CRACR2A: variants seen among roughly 807,000 people sequenced by gnomAD.
CRACR2A encodes the protein calcium release activated channel regulator 2A.
In CRACR2A, 79 loss-of-function variants were observed where a neutral mutation model predicts 90.5. The ratio of observed to expected loss-of-function variants is 0.87; its 90% CI spans 0.73 to 1.05. CRACR2A has a LOEUF of 1.05. Among genes scored for constraint, CRACR2A ranks in the 50% least tolerant of loss-of-function variants. The probability of loss-of-function intolerance (pLI) is 0.00; values close to 1 mark genes in which losing one functional copy is unlikely to be tolerated. For missense variants in CRACR2A, 823 were observed against 897.2 expected (o/e 0.92, Z 1.06); for synonymous variants, 338 against 356.7 (o/e 0.95, Z 0.59).
intron 6 of CRACR2A, among the ~76,000 whole-genome samples, chr12:3,676,194 T>C (rs1416900802): frequency 6.6e-6 from 1 of 152,174 alleles, no homozygotes; most frequent in Non-Finnish European, 1.5e-5. Context: ...GTACTGGATG[T>C]CATGGGTGAA....
At chr12:3,712,953 A>G (rs1171682869) in intron 3 of CRACR2A, among the ~76,000 whole-genome samples, 1 of 151,968 alleles carries the variant, frequency 6.6e-6, no homozygotes, top group Non-Finnish European at 1.5e-5. Context: ...CACATGTAAA[A>G]GAGCTGGGCA....
At chr12:3,676,722 T>C (rs1212488005) in intron 6 of CRACR2A, among the ~76,000 whole-genome samples, 1 of 146,124 alleles carries the variant, frequency 6.8e-6, no homozygotes, top group Non-Finnish European at 1.5e-5. Context: ...ATTTTGGTTA[T>C]TTATATAAAG....
At chr12:3,666,374 C>T (rs111333517) in intron 7 of CRACR2A, among the ~76,000 whole-genome samples, 35 of 137,152 alleles carry the variant, frequency 2.6e-4, no homozygotes, top group African/African-American at 9.5e-4. Context: ...TGCGCGTGCG[C>T]GCGCACGCGC....
chr12:3,671,520 C>T (rs1195541297), intron 7 of CRACR2A, among the ~76,000 whole-genome samples: 1 of 152,160 alleles, frequency 6.6e-6, no homozygotes, highest in Non-Finnish European at 1.5e-5. Flanking sequence ...CACTAAGCAC[C>T]TGGACACCCT....
intron 15 of CRACR2A, among the ~76,000 whole-genome samples, chr12:3,632,213 C>T (rs904983863): frequency 9.2e-5 from 14 of 152,168 alleles, no homozygotes; most frequent in Admixed American, 2.6e-4. Context: ...CTTTACCTTC[C>T]GCCATAACTG....
intron 3 of CRACR2A, among the ~76,000 whole-genome samples, chr12:3,710,956 A>T (rs1945999205): frequency 6.6e-6 from 1 of 152,176 alleles, no homozygotes; most frequent in Non-Finnish European, 1.5e-5. Flanking sequence ...TGACACAGTT[A>T]TTCAGTCCGT....
chr12:3,748,484 C>T (rs7976397), intron 1 of CRACR2A, among the ~76,000 whole-genome samples: 20,201 of 152,194 alleles, frequency 0.13, 1,454 homozygotes, highest in South Asian at 0.18. Context: ...CCAAAACACA[C>T]CGACAAGGGG....
intron 8 of CRACR2A, 37 bp from the exon 9 acceptor site, chr12:3,656,443 T>A: frequency 6.3e-7 from 1 of 1,597,344 alleles, no homozygotes; most frequent in Non-Finnish European, 8.6e-7. Context: ...AGGACCCAAA[T>A]GTAGCACACC....
In CRACR2A at chr12:3,666,364, T is replaced by C. The variant is rs868628192; in HGVS notation, c.672-6710A>G. Among the ~76,000 whole-genome samples the C allele has an allele frequency of 1.3e-3, 190 of 149,598 alleles. 1 individual carries two copies. The highest frequency in any genetic ancestry group is 4.9e-3 in the East Asian group (25 of 5,060). On this transcript the variant is annotated intron_variant, in intron 7 of 19. Coordinates refer to ENST00000440314, the MANE Select transcript of CRACR2A (RefSeq NM_001144958.2). ...GTGTGTGTGTGTGTGTGCGTGCGTG[T>C]GCGCGTGCGCGCGCACGCGCGCACA...
At chr12:3,678,150 C>T (rs1945370939) in intron 6 of CRACR2A, among the ~76,000 whole-genome samples, 2 of 152,176 alleles carry the variant, frequency 1.3e-5, no homozygotes, top group Admixed American at 1.3e-4. Flanking sequence ...GTATTACATG[C>T]TTTTCAGGCC....
At chr12:3,747,667 C>G (rs1946646540) in intron 1 of CRACR2A, among the ~76,000 whole-genome samples, 1 of 152,198 alleles carries the variant, frequency 6.6e-6, no homozygotes, top group Non-Finnish European at 1.5e-5. Flanking sequence ...GTCATGGTAG[C>G]CAACCTCCCA....
intron 3 of CRACR2A, among the ~76,000 whole-genome samples, chr12:3,706,135 G>A (rs533224742): frequency 5.7e-4 from 87 of 152,332 alleles, no homozygotes; most frequent in African/African-American, 1.9e-3. Context: ...TACTTGGGGG[G>A]AAACGTGGGG....
chr12:3,663,215 G>C (rs1399472386), intron 7 of CRACR2A, among the ~76,000 whole-genome samples: 1 of 151,810 alleles, frequency 6.6e-6, no homozygotes, highest in Non-Finnish European at 1.5e-5. Flanking sequence ...TACAATTTTG[G>C]GTACCGAACT....
At chr12:3,681,407 G>A (rs1303670691) in intron 4 of CRACR2A, among the ~76,000 whole-genome samples, 4 of 152,224 alleles carry the variant, frequency 2.6e-5, no homozygotes, top group Non-Finnish European at 5.9e-5. Flanking sequence ...CATAAGGAGG[G>A]AAGGGCAGAG....
chr12:3,682,245 GTC>G (rs1945469244), intron 4 of CRACR2A, among the ~76,000 whole-genome samples: 1 of 152,138 alleles, frequency 6.6e-6, no homozygotes, highest in Non-Finnish European at 1.5e-5. Flanking sequence ...TCAAAATGTG[GTC>G]TCTCGCACTG....
intron 6 of CRACR2A, among the ~76,000 whole-genome samples, chr12:3,675,029 GT>G (rs1417005865): frequency 6.6e-6 from 1 of 151,898 alleles, no homozygotes; most frequent in Non-Finnish European, 1.5e-5. Context: ...TATGACCCTC[GT>G]TTTATGAGGA....
chr12:3,623,531 A>G (rs1371457281), intron 17 of CRACR2A, among the ~76,000 whole-genome samples: 2 of 152,166 alleles, frequency 1.3e-5, no homozygotes, highest in African/African-American at 4.8e-5. Flanking sequence ...CAGGCCCCAG[A>G]GTCTTCTGAT....
intron 6 of CRACR2A, among the ~76,000 whole-genome samples, chr12:3,677,989 A>G (rs1252333429): frequency 2.0e-5 from 3 of 151,778 alleles, no homozygotes; most frequent in South Asian, 2.1e-4. Flanking sequence ...CCTTTTTATC[A>G]TTTTCCACCC....
intron 13 of CRACR2A, among the ~76,000 whole-genome samples, chr12:3,639,642 G>C (rs898652043): frequency 6.6e-6 from 1 of 151,776 alleles, no homozygotes; most frequent in Non-Finnish European, 1.5e-5. Context: ...TACTCTTAAA[G>C]ATCAACAGTA....
Sources: allele counts gnomAD v4.1 joint callset (sites outside exome capture counted in the v4.1 genomes callset), GRCh38; gene constraint gnomAD v4.1.1; transcripts MANE v1.5; gene names NCBI Gene and HGNC (gene_info 2026-07-23, HGNC 2026-07-21).